CD99: variants seen among roughly 807,000 people sequenced by gnomAD.
CD99 encodes CD99 antigen.
A neutral mutation model predicts 28.4 loss-of-function variants in CD99; 19 were observed. The ratio of observed to expected loss-of-function variants is 0.67; its 90% CI spans 0.47 to 0.98. CD99 has a LOEUF of 0.98. Among genes scored for constraint, CD99 ranks in the 50% least tolerant of loss-of-function variants. CD99 has a pLI of 0.00. For synonymous variants in CD99, 103 were observed against 92.1 expected (o/e 1.12, Z -0.67); for missense variants, 283 against 248.8 (o/e 1.14, Z -0.92).
At chrX:2,710,974 G>T (rs1364601553) in intron 1 of CD99, among the ~76,000 whole-genome samples, 1 of 146,906 alleles carries the variant, frequency 6.8e-6, no homozygotes, top group Non-Finnish European at 1.5e-5. Flanking sequence ...GGATTCAAGC[G>T]ATTTTCCTGC....
At chrX:2,697,103 A>G (rs2047612573) in intron 1 of CD99, among the ~76,000 whole-genome samples, 1 of 152,130 alleles carries the variant, frequency 6.6e-6, no homozygotes, top group Non-Finnish European at 1.5e-5. Flanking sequence ...GTACATGGAA[A>G]GCCTTGCTAA....
At chrX:2,732,768 T>TC (rs201943307) in intron 8 of CD99, among the ~76,000 whole-genome samples, 18,740 of 146,468 alleles carry the variant, frequency 0.13, 1,443 homozygotes, top group Non-Finnish European at 0.17. Context: ...TCTTTCCTTT[T>TC]CCCCTCTCCA....
At chrX:2,697,163 C>A (rs1417819728) in intron 1 of CD99, among the ~76,000 whole-genome samples, 1 of 152,094 alleles carries the variant, frequency 6.6e-6, no homozygotes, top group African/African-American at 2.4e-5. Flanking sequence ...TCCCGGTGGG[C>A]TGGGCTGAGA....
At chrX:2,727,278 T>C (rs765556239) in intron 8 of CD99, 2 of 778,620 alleles carry the variant, frequency 2.6e-6, no homozygotes, top group East Asian at 2.4e-5. Context: ...GTACTCACCA[T>C]TGCAATCCTC....
intron 9 of CD99, among the ~76,000 whole-genome samples, chrX:2,738,679 C>T (rs1376066442): frequency 4.6e-5 from 7 of 150,986 alleles, no homozygotes; most frequent in Admixed American, 1.3e-4. Flanking sequence ...GAGCCGAGAT[C>T]GTGCCATTGC....
At chrX:2,704,273 A>G (rs1304941438) in intron 1 of CD99, among the ~76,000 whole-genome samples, 2 of 152,128 alleles carry the variant, frequency 1.3e-5, no homozygotes, top group Admixed American at 6.5e-5. Context: ...CTTACCAAAC[A>G]TATTGTAAAA....
chrX:2,736,559 G>A (rs1386654620), intron 8 of CD99, among the ~76,000 whole-genome samples: 1 of 151,674 alleles, frequency 6.6e-6, no homozygotes, highest in Non-Finnish European at 1.5e-5. Context: ...TTTTTTAATG[G>A]AAATTTGGGA....
chrX:2,698,623 C>T (rs1371449292), intron 1 of CD99, among the ~76,000 whole-genome samples: 1 of 152,114 alleles, frequency 6.6e-6, no homozygotes, highest in Non-Finnish European at 1.5e-5. Context: ...CATGCCACCA[C>T]ACTCAATTAA....
intron 1 of CD99, among the ~76,000 whole-genome samples, chrX:2,692,813 T>G (rs766923490): frequency 1.8e-4 from 27 of 152,322 alleles, no homozygotes; most frequent in South Asian, 4.1e-4. Flanking sequence ...ATGCCTGCCT[T>G]CCTTCTTTTG....
chrX:2,705,627 T>C (rs1195707623), intron 1 of CD99, among the ~76,000 whole-genome samples: 2 of 152,140 alleles, frequency 1.3e-5, no homozygotes, highest in South Asian at 2.1e-4. Flanking sequence ...TGGGCTCCTT[T>C]AGTCGTTTTC....
intron 8 of CD99, among the ~76,000 whole-genome samples, chrX:2,736,745 T>C (rs904177004): frequency 1.3e-5 from 2 of 151,856 alleles, no homozygotes; most frequent in African/African-American, 4.8e-5. Flanking sequence ...AAATCCCAGC[T>C]ACTCAGGAGG....
intron 2 of CD99, among the ~76,000 whole-genome samples, chrX:2,717,186 A>G (rs1407638742): frequency 6.6e-6 from 1 of 152,070 alleles, no homozygotes; most frequent in African/African-American, 2.4e-5. Flanking sequence ...ATCTCTGCTA[A>G]AAATACAAAA....
intron 3 of CD99, 164 bp downstream of exon 3, chrX:2,717,816 C>A (rs1293863835): frequency 1.6e-6 from 1 of 638,188 alleles, no homozygotes; most frequent in Non-Finnish European, 2.8e-6. Context: ...TGTTACATTT[C>A]ATGTAGTGAT....
rs184274661 is a variant in CD99, at chrX:2,726,344, A to C, written c.446A>C (p.Gln149Pro). 1.2e-6 allele frequency: 2 copies of C among 1,610,974 alleles called. No homozygotes were observed. Among genetic ancestry groups the C allele is most frequent in the Non-Finnish European group, 1.7e-6 (2 of 1,178,374 alleles). ...GCCATCTCTAGCTTCATTGCTTACC[A>C]GAAAAAGAAGCTATGCTTCAAAGAA... is the stretch of plus-strand genomic sequence containing the variant. Reference protein sequence around the residue: ...AGAISSFIAYQKKKLCFKENA... With the variant: ...AGAISSFIAYPKKKLCFKENA... Residue 149 changes from glutamine (Q) to proline (P), a missense_variant, in exon 8 of 10, where the codon CAG (glutamine) becomes CCG (proline). Gln to Pro is a moderately conservative substitution (Grantham distance 76). Transcript: ENST00000381192.
chrX:2,725,263 T>C (rs2049214315), intron 7 of CD99, among the ~76,000 whole-genome samples: 2 of 151,914 alleles, frequency 1.3e-5, no homozygotes, highest in Non-Finnish European at 2.9e-5. Flanking sequence ...CCAGGCATGG[T>C]GGTGCACACC....
At position 2,735,220 on chromosome X, in the gene CD99, G is replaced by A. The variant is rs186031473; in HGVS notation, c.476-2980G>A. Among the ~76,000 whole-genome samples the A allele has an allele frequency of 2.0e-3, 301 of 152,306 alleles. 3 individuals carry two copies. The highest frequency in any genetic ancestry group is 3.6e-3 in the Non-Finnish European group (242 of 68,028). On this transcript the variant is annotated intron_variant, in intron 8 of 9. Transcript: ENST00000381192. ...TTGGCCCCAAGCACACGGTGTGTGT[G>A]TGTGTATAAATATATCTTCACAAAG...
intron 5 of CD99, among the ~76,000 whole-genome samples, chrX:2,721,230 A>G (rs1421716834): frequency 2.0e-5 from 3 of 151,792 alleles, no homozygotes; most frequent in African/African-American, 7.3e-5. Context: ...AATATTAATG[A>G]TGTCCATATC....
At chrX:2,717,711 C>T (rs1432639780) in intron 3 of CD99, 59 bp downstream of exon 3, 2 of 1,485,042 alleles carry the variant, frequency 1.3e-6, no homozygotes, top group African/African-American at 2.8e-5. Flanking sequence ...TCTCGGACAG[C>T]AGGACGGGAC....
intron 8 of CD99, among the ~76,000 whole-genome samples, chrX:2,732,568 TC>T (rs2049684235): frequency 6.8e-6 from 1 of 146,444 alleles, no homozygotes; most frequent in African/African-American, 2.5e-5. Context: ...TCTCCCTCTC[TC>T]TCTCTTTTCA....
Sources: allele counts gnomAD v4.1 joint callset (sites outside exome capture counted in the v4.1 genomes callset), GRCh38; gene constraint gnomAD v4.1.1; transcripts MANE v1.5; gene names NCBI Gene and HGNC (gene_info 2026-07-23, HGNC 2026-07-21).